SACS: variants seen among roughly 807,000 people sequenced by gnomAD.
SACS encodes the protein sacsin molecular chaperone.
A neutral mutation model predicts 348.0 loss-of-function variants in SACS; 197 were observed. The ratio of observed to expected loss-of-function variants is 0.57; its 90% CI spans 0.50 to 0.64. The LOEUF is 0.64. Among genes scored for constraint, SACS ranks in the 30% least tolerant of loss-of-function variants. The probability of loss-of-function intolerance (pLI) is 0.00; values close to 1 mark genes in which losing one functional copy is unlikely to be tolerated. For missense variants in SACS, 4,999 were observed against 5,360.8 expected (o/e 0.93, Z 2.11); for synonymous variants, 1,985 against 1,910.6 (o/e 1.04, Z -1.02).
chr13:23,355,076 T>G lies in SACS; in HGVS notation c.1536A>C (p.Ser512=), dbSNP rs1331157583. ...TCTTTTCCATCTCCAGACGTTTTAT[T>G]GAATCTAAGATCAGAGTAGCATAAG... ...PKAYATLILD[S]IKRLEMEKSS... Residue 512 remains serine (S), a synonymous_variant, in exon 8 of 10, where the codon TCA becomes TCC. Coordinates refer to ENST00000382292, the MANE Select transcript of SACS (RefSeq NM_014363.6). 1.2e-6 allele frequency: 2 copies of G among 1,614,198 alleles called. No homozygotes were observed. Among genetic ancestry groups the G allele is most frequent in the African/African-American group, 2.7e-5 (2 of 75,060 alleles).
Position 23,354,589 on chromosome 13 carries a change from T to C in SACS, c.2023A>G (p.Asn675Asp). The change falls in exon 8 of 10, where the codon AAT becomes GAT. Residue 675 changes from asparagine (N) to aspartate (D), a missense_variant. Asn to Asp is a conservative substitution (Grantham distance 23). Around this residue, in one of 6 missense-constraint regions of SACS, gnomAD observed 3,156 missense variants for 3,380.1 expected, o/e 0.93. Coordinates refer to ENST00000382292, the MANE Select transcript of SACS (RefSeq NM_014363.6). ...ACAGATGAGGAGAAGGGGACAAAAT[T>C]GCCATTTTGTAAAGGGAGCAGCTCC... is the stretch of plus-strand genomic sequence containing the variant. ...GLELLPLQNG[N>D]FVPFSSSVSD... 1.9e-6 allele frequency: 3 copies of C among 1,614,024 alleles called. No individual in the cohort carries two copies. Among genetic ancestry groups the C allele is most frequent in the Non-Finnish European group, 1.7e-6 (2 of 1,179,898 alleles).
At chr13:23,414,260 C>T (rs1873617225) in intron 1 of SACS, among the ~76,000 whole-genome samples, 1 of 152,186 alleles carries the variant, frequency 6.6e-6, no homozygotes, top group Non-Finnish European at 1.5e-5. Context: ...GCAGAGATCG[C>T]ACCACTGCAC....
Position 23,411,420 on chromosome 13 carries a change from T to C in SACS, c.-181A>G. On this transcript the variant is annotated 5_prime_UTR_variant, in exon 2 of 10. Coordinates refer to ENST00000382292, the MANE Select transcript of SACS (RefSeq NM_014363.6). Reference sequence around the variant, plus strand: ...TTCATCATCTGATGTCAGGAAACATTGTCGTGTGTTGCATTTGTATTCCTT... The same window carrying C: ...TTCATCATCTGATGTCAGGAAACATCGTCGTGTGTTGCATTTGTATTCCTT... The C allele has an allele frequency of 3.1e-6, 2 of 643,486 alleles. No individual in the cohort carries two copies. The highest frequency in any genetic ancestry group is 3.7e-5 in the South Asian group (2 of 54,004). 39.9% of individuals were successfully genotyped at this position (643,486 alleles called of 1,614,324 possible).
At position 23,354,854 on chromosome 13, in the gene SACS, G is replaced by GT. The variant is rs1435819064; in HGVS notation, c.1757dup (p.Tyr586Ter). 6.2e-7 allele frequency: 1 copy of GT among 1,614,058 alleles called. No homozygotes were observed. The highest frequency in any genetic ancestry group is 1.3e-5 in the African/African-American group (1 of 74,920). The change falls in exon 8 of 10, where the codon TAC becomes TAAC. Residue 586 changes from tyrosine (Y) to a stop codon, truncating the protein, a stop_gained and frameshift_variant. Coordinates refer to ENST00000382292, the MANE Select transcript of SACS (RefSeq NM_014363.6). LOFTEE classifies it high-confidence loss of function. ...YFSELDENLE[Y>*]TKTVLNYLQS... ...GGAGGTAGTTGAGCACAGTTTTTGT[G>GT]TATTCTAAATTTTCATCAAGTTCTG...
intron 2 of SACS, among the ~76,000 whole-genome samples, chr13:23,381,412 G>A (rs1460363212): frequency 1.4e-5 from 2 of 146,934 alleles, no homozygotes; most frequent in African/African-American, 5.0e-5. Flanking sequence ...CACTCTGGCT[G>A]GACGTGGGCA....
intron 5 of SACS, among the ~76,000 whole-genome samples, chr13:23,365,678 T>G (rs1871021844): frequency 6.6e-6 from 1 of 152,198 alleles, no homozygotes; most frequent in Admixed American, 6.6e-5. Flanking sequence ...AAAATAGACC[T>G]TTTTTATCCT....
At position 23,333,224 on chromosome 13, in the gene SACS, A is replaced by G. The variant is rs1392676897; in HGVS notation, c.10652T>C (p.Met3551Thr). The change falls in exon 10 of 10, where the codon ATG (methionine) becomes ACG (threonine). Residue 3551 changes from methionine (M) to threonine (T), a missense_variant. Coordinates refer to ENST00000382292, the MANE Select transcript of SACS (RefSeq NM_014363.6). ...AGGAATAAACAATTTTTCAGGAAGC[A>G]TAACTTCAAAAACTCTCACAGTTCT... Reference protein sequence around the residue: ...YDRTVRVFEVMLPEKLFIPND... With the variant: ...YDRTVRVFEVTLPEKLFIPND... 3.1e-6 allele frequency: 5 copies of G among 1,598,338 alleles called. No homozygotes were observed. Among genetic ancestry groups the G allele is most frequent in the Non-Finnish European group, 4.3e-6 (5 of 1,173,608 alleles).
rs34351648 is a variant in SACS, at chr13:23,362,581, CTT to C, written c.457+2583_457+2584del. On this transcript the variant is annotated intron_variant, in intron 6 of 9. Transcript: ENST00000382292. The stretch of plus-strand genomic sequence containing the variant: ...CCACCTGCTTTTATATAATACATTC[CTT>C]TTTTTTTTTTTTTTTTTTTTGAGAT... Among the ~76,000 whole-genome samples, 20 of 111,872 alleles carry C rather than the reference CTT, an allele frequency of 1.8e-4. No individual in the cohort carries two copies. The South Asian group carries it at 2.2e-3, about 12-fold the overall frequency. 73.4% of individuals were successfully genotyped at this position (111,872 alleles called of 152,430 possible). A position where few individuals can be genotyped will look rare whatever the true frequency, so the allele number is the denominator to read the frequency against.
chr13:23,394,069 T>C (rs1040830522), intron 2 of SACS, among the ~76,000 whole-genome samples: 7 of 152,172 alleles, frequency 4.6e-5, no homozygotes, highest in African/African-American at 1.7e-4. Context: ...CTTCTTGTTA[T>C]TCTTTAGATA....
At chr13:23,405,394 A>G (rs1381450375) in intron 2 of SACS, among the ~76,000 whole-genome samples, 1 of 152,228 alleles carries the variant, frequency 6.6e-6, no homozygotes, top group Non-Finnish European at 1.5e-5. Flanking sequence ...TACACCTTAT[A>G]CAAACATTAA....
chr13:23,332,192 A>G lies in SACS; in HGVS notation c.11684T>C (p.Val3895Ala). The G allele has an allele frequency of 1.2e-6, 2 of 1,614,016 alleles. No homozygotes were observed. The highest frequency in any genetic ancestry group is 1.7e-6 in the Non-Finnish European group (2 of 1,179,926). Residue 3895 changes from valine to alanine, a missense_variant, in exon 10 of 10, where the codon GTG becomes GCG. Physicochemically the swap from Val to Ala is moderately conservative, Grantham distance 64. Coordinates refer to ENST00000382292, the MANE Select transcript of SACS (RefSeq NM_014363.6). Reference protein sequence around the residue: ...FRSLQNDSVKVRSDLENVRDL... With the variant: ...FRSLQNDSVKARSDLENVRDL... The stretch of plus-strand genomic sequence containing the variant: ...TCGTACATTCTCGAGATCACTCCTC[A>G]CCTTGACTGAATCATTCTGTAGACT...
chr13:23,394,952 T>G (rs991969617), intron 2 of SACS, among the ~76,000 whole-genome samples: 4 of 152,246 alleles, frequency 2.6e-5, no homozygotes, highest in African/African-American at 9.6e-5. Context: ...TTGAAGCCTT[T>G]TCTTCAGTTC....
Position 23,354,505 on chromosome 13 carries a change from AG to A in SACS, c.2093+13del. The A allele has an allele frequency of 1.9e-6, 3 of 1,612,010 alleles. No homozygotes were observed. The highest frequency in any genetic ancestry group is 2.5e-6 in the Non-Finnish European group (3 of 1,178,162). On this transcript the variant is annotated intron_variant, in intron 8 of 9. Coordinates refer to ENST00000382292, the MANE Select transcript of SACS (RefSeq NM_014363.6). Reference sequence around the variant, plus strand: ...CCTAAGAGTGAACAGGAATGTTAGAAGGGGGACCCCTACCTTGGATATTCTG... The same window carrying A: ...CCTAAGAGTGAACAGGAATGTTAGAAGGGGACCCCTACCTTGGATATTCTG...
chr13:23,353,029 A>C lies in SACS; in HGVS notation c.2185+756T>G, dbSNP rs1326505. ...CTTGACAATGTGAACAGCAGGACAA[A>C]CCCAGAACTTTTCAGGACAACATCT... On this transcript the variant is annotated intron_variant, in intron 9 of 9. Coordinates refer to ENST00000382292, the MANE Select transcript of SACS (RefSeq NM_014363.6). Among the ~76,000 whole-genome samples, 515 of 152,274 alleles carry C rather than the reference A, an allele frequency of 3.4e-3. 4 individuals are homozygous for C. Among genetic ancestry groups the C allele is most frequent in the African/African-American group, 0.012 (486 of 41,504 alleles).
In SACS at chr13:23,340,169, G is replaced by A; in HGVS notation, c.3707C>T (p.Ser1236Phe). The change falls in exon 10 of 10, where the codon TCT (serine) becomes TTT (phenylalanine). Residue 1236 changes from serine (S) to phenylalanine (F), a missense_variant. This residue lies in a region of SACS where 3,156 missense variants were observed against 3,380.1 expected (regional missense o/e 0.93). Coordinates refer to ENST00000382292, the MANE Select transcript of SACS (RefSeq NM_014363.6). ...KHFKIVVDWYSSKTFSDEDYY... is the reference protein window; with the variant it reads ...KHFKIVVDWYFSKTFSDEDYY... Reference sequence around the variant, plus strand: ...GTCTTCATCACTAAAGGTTTTTGAAGAATACCAATCAACAACAATTTTAAA... The same window carrying A: ...GTCTTCATCACTAAAGGTTTTTGAAAAATACCAATCAACAACAATTTTAAA... 2 of 1,613,108 alleles carry A rather than the reference G, an allele frequency of 1.2e-6. No individual in the cohort carries two copies. The highest frequency in any genetic ancestry group is 1.7e-6 in the Non-Finnish European group (2 of 1,179,506).
At chr13:23,419,332 A>C (rs921936707) in intron 1 of SACS, 4 of 152,438 alleles carry the variant, frequency 2.6e-5, no homozygotes, top group African/African-American at 9.6e-5. Context: ...CTCGGGACCA[A>C]CATGGGTTTT....
At chr13:23,367,647 T>C (rs1205993151) in intron 5 of SACS, among the ~76,000 whole-genome samples, 2 of 152,168 alleles carry the variant, frequency 1.3e-5, no homozygotes, top group Admixed American at 6.5e-5. Flanking sequence ...CAGGCTGGAG[T>C]GCAGTGGCGC....
Position 23,329,115 on chromosome 13 carries a change from T to G in SACS, c.*1021A>C, listed in dbSNP as rs996219702. On this transcript the variant is annotated 3_prime_UTR_variant, in exon 10 of 10. Coordinates refer to ENST00000382292, the MANE Select transcript of SACS (RefSeq NM_014363.6). ...GAAGCATGGCGAGACAAACATGAAT[T>G]AAATGTCAGTTCTGATCATTCATGG... The G allele has an allele frequency of 3.7e-6, 1 of 269,754 alleles. No homozygotes were observed. Among genetic ancestry groups the G allele is most frequent in the Non-Finnish European group, 6.8e-6 (1 of 146,372 alleles). The allele number at this position is 269,754 out of a possible 1,614,324, so 16.7% of individuals were successfully genotyped here.
At chr13:23,364,483 G>A (rs747197321) in intron 6 of SACS, among the ~76,000 whole-genome samples, 11 of 152,108 alleles carry the variant, frequency 7.2e-5, no homozygotes, top group Non-Finnish European at 1.2e-4. Flanking sequence ...GTTTTGCCAC[G>A]TTCGCCAGGC....
Sources: allele counts gnomAD v4.1 joint callset (sites outside exome capture counted in the v4.1 genomes callset), GRCh38; gene constraint gnomAD v4.1.1; regional missense constraint gnomAD v4.1.1; transcripts MANE v1.5; gene names NCBI Gene and HGNC (gene_info 2026-07-23, HGNC 2026-07-21).